Variants in THADA observed in about 807,000 individuals in gnomAD.
THADA encodes THADA armadillo repeat containing, also known as tRNA (32-2'-O)-methyltransferase regulator THADA.
Under a neutral mutation model 219.8 loss-of-function variants are expected in THADA, and 213 were observed. The ratio of observed to expected loss-of-function variants is 0.97; its 90% confidence interval spans 0.87 to 1.09. The LOEUF (loss-of-function observed/expected upper bound fraction) is 1.09, where lower values mean the gene tolerates loss of function less well. Ranked by LOEUF, THADA falls within the 50% of genes least tolerant of loss-of-function variation. The probability of loss-of-function intolerance (pLI) is 0.00; values close to 1 mark genes in which losing one functional copy is unlikely to be tolerated. For missense variants in THADA, 2,956 were observed against 2,311.3 expected, an observed-to-expected ratio of 1.28 and a Z score of -5.72; for synonymous variants, 1,018 against 828.9, an observed-to-expected ratio of 1.23 and a Z score of -3.92.
chr2:43,523,026 G>A (rs1692688440), intron 22 of THADA, among the ~76,000 whole-genome samples: 1 of 152,128 alleles, frequency 6.6e-6, no homozygotes, highest in Admixed American at 6.5e-5. Context: ...AGGACACTCA[G>A]TGAGAAATAG....
chr2:43,479,065 A>G (rs1249981924), intron 26 of THADA, among the ~76,000 whole-genome samples: 1 of 152,202 alleles, frequency 6.6e-6, no homozygotes, highest in Non-Finnish European at 1.5e-5. Context: ...TGGAAAATGC[A>G]TGAATGACAC....
intron 28 of THADA, among the ~76,000 whole-genome samples, chr2:43,409,616 TA>T (rs1157817919): frequency 6.6e-6 from 1 of 152,192 alleles, no homozygotes; most frequent in African/African-American, 2.4e-5. Flanking sequence ...TTATACAGTA[TA>T]ATTATACTTT....
intron 26 of THADA, among the ~76,000 whole-genome samples, chr2:43,436,443 G>T (rs1680121235): frequency 6.6e-6 from 1 of 152,128 alleles, no homozygotes; most frequent in South Asian, 2.1e-4. Flanking sequence ...GGGTCTGTGA[G>T]CCTCCCTCAG....
chr2:43,532,672 T>C (rs556465400), intron 21 of THADA, among the ~76,000 whole-genome samples: 52 of 152,254 alleles, frequency 3.4e-4, no homozygotes, highest in African/African-American at 1.2e-3. Context: ...GCTGAAAGCA[T>C]TCCCTTTGAA....
At chr2:43,406,129 T>C (rs72879290) in intron 28 of THADA, among the ~76,000 whole-genome samples, 13,310 of 152,172 alleles carry the variant, frequency 0.087, 633 homozygotes, top group Non-Finnish European at 0.1. Context: ...CTGCAAGAAA[T>C]AGGCACAGCA....
intron 36 of THADA, among the ~76,000 whole-genome samples, chr2:43,279,160 T>C (rs1673057145): frequency 6.6e-6 from 1 of 152,184 alleles, no homozygotes; most frequent in Non-Finnish European, 1.5e-5. Context: ...TACATGCACA[T>C]GACCCCGGGC....
In THADA at chr2:43,255,226, G is replaced by A. The variant is rs6754734; in HGVS notation, c.5297-22344C>T. 5.3e-3 allele frequency among the ~76,000 whole-genome samples: 810 copies of A among 152,204 alleles called. 11 individuals are homozygous for A. Among genetic ancestry groups the A allele is most frequent in the African/African-American group, 0.018 (739 of 41,520 alleles). On this transcript the variant is annotated intron_variant, in intron 36 of 37. Transcript: ENST00000405975. ...ACATATTTAGGTTTAAGGTAGGTGC[G>A]GGTTATTTTATATACACATATAAAT...
chr2:43,474,779 T>C (rs990463024), intron 26 of THADA, among the ~76,000 whole-genome samples: 7 of 152,164 alleles, frequency 4.6e-5, no homozygotes, highest in East Asian at 3.8e-4. Context: ...AAGATGAAGA[T>C]GTCTGAAGAG....
At chr2:43,257,535 C>T (rs764366370) in intron 36 of THADA, among the ~76,000 whole-genome samples, 2 of 152,222 alleles carry the variant, frequency 1.3e-5, no homozygotes, top group Admixed American at 1.3e-4. Flanking sequence ...TCCCTTCACT[C>T]GACCACCTCA....
intron 28 of THADA, among the ~76,000 whole-genome samples, chr2:43,416,618 G>A (rs1335469219): frequency 1.3e-5 from 2 of 152,142 alleles, no homozygotes; most frequent in African/African-American, 4.8e-5. Context: ...AAATGTCCCA[G>A]ATCAGGAATT....
intron 29 of THADA, among the ~76,000 whole-genome samples, chr2:43,375,162 A>G (rs1362528644): frequency 1.3e-5 from 2 of 152,234 alleles, no homozygotes; most frequent in Non-Finnish European, 2.9e-5. Context: ...TCCTTACAGC[A>G]TCGTTGCCAA....
At chr2:43,508,556 G>A in intron 23 of THADA, 92 bp downstream of exon 23, 1 of 1,285,730 alleles carries the variant, frequency 7.8e-7, no homozygotes, top group African/African-American at 1.5e-5. Context: ...TCCTTTATGT[G>A]TAATACGCTC....
In THADA at chr2:43,285,072, C is replaced by T. The variant is rs150313717; in HGVS notation, c.5164+1836G>A. Among the ~76,000 whole-genome samples the T allele has an allele frequency of 3.7e-3, 566 of 152,262 alleles. 3 individuals carry two copies. Among genetic ancestry groups the T allele is most frequent in the Non-Finnish European group, 6.0e-3 (405 of 68,030 alleles). On this transcript the variant is annotated intron_variant, in intron 35 of 37. Coordinates refer to ENST00000405975, the MANE Select transcript of THADA (RefSeq NM_022065.5). Reference sequence around the variant, plus strand: ...GCTAACTTGTTTTTGATTTTACAGGCTCATGGGTGGAAGGGAGTTACCCTG... The same window carrying T: ...GCTAACTTGTTTTTGATTTTACAGGTTCATGGGTGGAAGGGAGTTACCCTG...
chr2:43,460,100 T>C (rs943921273), intron 26 of THADA, among the ~76,000 whole-genome samples: 4 of 152,024 alleles, frequency 2.6e-5, no homozygotes, highest in Admixed American at 6.6e-5. Flanking sequence ...AACAAGGACC[T>C]TGTCAGATCA....
At chr2:43,414,393 C>A (rs1467875515) in intron 28 of THADA, among the ~76,000 whole-genome samples, 1 of 152,188 alleles carries the variant, frequency 6.6e-6, no homozygotes, top group African/African-American at 2.4e-5. Flanking sequence ...CACGTCTTCA[C>A]AGAGATACAT....
At chr2:43,493,653 A>G (rs1226467962) in intron 25 of THADA, among the ~76,000 whole-genome samples, 1 of 152,216 alleles carries the variant, frequency 6.6e-6, no homozygotes, top group East Asian at 1.9e-4. Context: ...GTCACTGAAC[A>G]TAATAAAGAG....
intron 31 of THADA, among the ~76,000 whole-genome samples, chr2:43,301,620 C>G (rs894021556): frequency 6.6e-6 from 1 of 152,320 alleles, no homozygotes; most frequent in South Asian, 2.1e-4. Context: ...CAGCAGCTAA[C>G]AAAGAAATGC....
intron 36 of THADA, among the ~76,000 whole-genome samples, chr2:43,268,331 C>T (rs1463156109): frequency 6.6e-6 from 1 of 152,150 alleles, no homozygotes; most frequent in African/African-American, 2.4e-5. Context: ...GTACTCTTTA[C>T]AAACAGACAC....
intron 29 of THADA, among the ~76,000 whole-genome samples, chr2:43,397,357 G>C (rs574938493): frequency 6.6e-6 from 1 of 152,272 alleles, no homozygotes; most frequent in South Asian, 2.1e-4. Context: ...TCAAGTTAGG[G>C]TTGAAATAGG....
Sources: allele counts gnomAD v4.1 joint callset (sites outside exome capture counted in the v4.1 genomes callset), GRCh38; gene constraint gnomAD v4.1.1; transcripts MANE v1.5; gene names NCBI Gene and HGNC (gene_info 2026-07-23, HGNC 2026-07-21).